Variants in TRAPPC9 observed in about 807,000 individuals in gnomAD.
The protein encoded by TRAPPC9 is IKK2 binding protein.
Under a neutral mutation model 124.0 loss-of-function variants are expected in TRAPPC9, and 83 were observed. The ratio of observed to expected loss-of-function variants is 0.67; its 90% CI spans 0.56 to 0.80. The LOEUF (loss-of-function observed/expected upper bound fraction) is 0.80, where lower values mean the gene tolerates loss of function less well. Ranked by LOEUF, TRAPPC9 falls within the 30% of genes least tolerant of loss-of-function variation. The pLI, the probability that TRAPPC9 is intolerant of heterozygous loss-of-function variation, is 0.00. For missense variants in TRAPPC9, 1,302 were observed against 1,508.3 expected, an observed-to-expected ratio of 0.86 and a Z score of 2.27; for synonymous variants, 638 against 617.5, an observed-to-expected ratio of 1.03 and a Z score of -0.49.
At chr8:139,995,323 T>C (rs1240275243) in intron 18 of TRAPPC9, among the ~76,000 whole-genome samples, 1 of 152,178 alleles carries the variant, frequency 6.6e-6, no homozygotes. Context: ...CCACAGAAAG[T>C]AGGAGAATCC....
At chr8:140,258,984 C>T (rs932729307) in intron 15 of TRAPPC9, among the ~76,000 whole-genome samples, 19 of 152,226 alleles carry the variant, frequency 1.2e-4, no homozygotes, top group African/African-American at 4.6e-4. Flanking sequence ...GCCCCAAGAA[C>T]CAGCCGCCCC....
rs368310192 is a variant in TRAPPC9 at position 139,889,657 on chromosome 8, G to A, written c.2965-3688C>T. On this transcript the variant is annotated intron_variant, in intron 20 of 22. Coordinates refer to ENST00000438773, the MANE Select transcript of TRAPPC9 (RefSeq NM_001160372.4). Reference sequence around the variant, plus strand: ...CGAAGGTAGATTTTCTTAAAATGCCGACCCAGGAAGGAGGCTATAATTAGG... The same window carrying A: ...CGAAGGTAGATTTTCTTAAAATGCCAACCCAGGAAGGAGGCTATAATTAGG... Among the ~76,000 whole-genome samples the A allele has an allele frequency of 4.6e-5, 7 of 152,298 alleles. No individual in the cohort carries two copies. The East Asian group carries it at 5.8e-4, about 13-fold the overall frequency.
At chr8:139,870,868 C>G (rs896001095) in intron 21 of TRAPPC9, among the ~76,000 whole-genome samples, 1 of 152,148 alleles carries the variant, frequency 6.6e-6, no homozygotes, top group African/African-American at 2.4e-5. Context: ...CAAATAAACA[C>G]TTAGTGCACT....
At chr8:140,341,533 G>A (rs1002446360) in intron 9 of TRAPPC9, among the ~76,000 whole-genome samples, 1 of 152,132 alleles carries the variant, frequency 6.6e-6, no homozygotes, top group Non-Finnish European at 1.5e-5. Context: ...CCTTTCTTTT[G>A]TTCTCTGGAA....
chr8:140,299,311 G>A (rs2065899990), intron 11 of TRAPPC9, among the ~76,000 whole-genome samples: 1 of 152,172 alleles, frequency 6.6e-6, no homozygotes, highest in Non-Finnish European at 1.5e-5. Flanking sequence ...GCAGGGGGGG[G>A]TCAGGGAGCG....
At chr8:139,745,011 C>A (rs1458117861) in intron 21 of TRAPPC9, among the ~76,000 whole-genome samples, 1 of 152,186 alleles carries the variant, frequency 6.6e-6, no homozygotes, top group Admixed American at 6.5e-5. Flanking sequence ...CGGGGATGTG[C>A]AGGAGGTGAG....
intron 18 of TRAPPC9, among the ~76,000 whole-genome samples, chr8:140,004,310 T>G (rs760544799): frequency 2.0e-5 from 3 of 152,062 alleles, no homozygotes; most frequent in Admixed American, 6.6e-5. Flanking sequence ...AAGTTAGAAC[T>G]CAAAAAATCG....
At chr8:139,975,891 A>T (rs530050451) in intron 19 of TRAPPC9, among the ~76,000 whole-genome samples, 1 of 151,938 alleles carries the variant, frequency 6.6e-6, no homozygotes, top group African/African-American at 2.4e-5. Context: ...GATTTTAGAC[A>T]AAGGCACTAA....
intron 21 of TRAPPC9, among the ~76,000 whole-genome samples, chr8:139,854,956 G>A (rs980766844): frequency 6.6e-6 from 1 of 152,156 alleles, no homozygotes; most frequent in Admixed American, 6.5e-5. Flanking sequence ...ATGGGGTACC[G>A]AGCCTTGGCA....
chr8:139,903,310 G>A (rs1563909102), intron 20 of TRAPPC9, among the ~76,000 whole-genome samples: 1 of 152,140 alleles, frequency 6.6e-6, no homozygotes, highest in Non-Finnish European at 1.5e-5. Context: ...GGTTAAAAAT[G>A]CTCCTCCAGA....
At chr8:139,865,970 C>T (rs936006319) in intron 21 of TRAPPC9, among the ~76,000 whole-genome samples, 2 of 152,046 alleles carry the variant, frequency 1.3e-5, no homozygotes, top group African/African-American at 4.8e-5. Flanking sequence ...TTAAGAAATA[C>T]ATCGGTTCGG....
At chr8:140,371,859 A>T (rs1016800853) in intron 7 of TRAPPC9, among the ~76,000 whole-genome samples, 1 of 152,012 alleles carries the variant, frequency 6.6e-6, no homozygotes, top group African/African-American at 2.4e-5. Context: ...ACCCACCCCC[A>T]TGCTGGCTAA....
intron 11 of TRAPPC9, among the ~76,000 whole-genome samples, chr8:140,297,836 C>T (rs2065855662): frequency 6.6e-6 from 1 of 152,230 alleles, no homozygotes; most frequent in African/African-American, 2.4e-5. Flanking sequence ...ACGTTTGTGT[C>T]TTGCCTGCAT....
At chr8:140,165,910 C>T (rs903907520) in intron 17 of TRAPPC9, among the ~76,000 whole-genome samples, 17 of 152,270 alleles carry the variant, frequency 1.1e-4, no homozygotes, top group African/African-American at 3.6e-4. Flanking sequence ...CTGCTTCCTA[C>T]GTCTGCACTT....
chr8:139,820,172 T>A (rs1825160298), intron 21 of TRAPPC9, among the ~76,000 whole-genome samples: 1 of 152,030 alleles, frequency 6.6e-6, no homozygotes, highest in South Asian at 2.1e-4. Context: ...AAAAAAATTA[T>A]CTTATTTATT....
At chr8:140,359,901 G>C in intron 9 of TRAPPC9, 149 bp downstream of exon 9, 2 of 1,108,694 alleles carry the variant, frequency 1.8e-6, no homozygotes, top group Non-Finnish European at 1.3e-6. Flanking sequence ...GGGAGCCAAG[G>C]CATGGGGCAG....
At chr8:139,967,490 C>T (rs1489407130) in intron 19 of TRAPPC9, among the ~76,000 whole-genome samples, 1 of 152,182 alleles carries the variant, frequency 6.6e-6, no homozygotes, top group Non-Finnish European at 1.5e-5. Context: ...AGCTAGGTGT[C>T]GGTACAGAGA....
chr8:140,323,552 C>T, intron 9 of TRAPPC9, among the ~76,000 whole-genome samples: 1 of 152,108 alleles, frequency 6.6e-6, no homozygotes, highest in African/African-American at 2.4e-5. Flanking sequence ...TAGAGGACAC[C>T]CAGCTGGTAT....
rs1313560133 is a variant in TRAPPC9 at position 140,311,286 on chromosome 8, G to A, written c.1584C>T (p.Thr528=). The A allele has an allele frequency of 6.2e-7, 1 of 1,613,274 alleles. No individual in the cohort carries two copies. Among genetic ancestry groups the A allele is most frequent in the Non-Finnish European group, 8.5e-7 (1 of 1,180,022 alleles). ...MEPIALPGGL[T]LPPVPFTKLP... ...GCTTGGTGAAGGGCACCGGTGGCAG[G>A]GTGAGGCCGCCAGGGAGGGCGATGG... Residue 528 remains threonine (T), a synonymous_variant, in exon 10 of 23, where the codon ACC becomes ACT. Coordinates refer to ENST00000438773, the MANE Select transcript of TRAPPC9 (RefSeq NM_001160372.4).
Sources: gnomAD v4.1 joint callset for allele counts (sites outside exome capture counted in the v4.1 genomes callset) on GRCh38, gnomAD v4.1.1 for gene constraint, MANE v1.5 for transcripts, NCBI Gene and HGNC (gene_info 2026-07-23, HGNC 2026-07-21) for gene names.